Variants in ACTN1 observed in about 807,000 individuals in gnomAD.
The protein encoded by ACTN1 is actinin alpha 1.
Under a neutral mutation model 119.6 loss-of-function variants are expected in ACTN1, and 30 were observed. The observed-to-expected ratio is 0.25, with a 90% CI of 0.19 to 0.34. The LOEUF is 0.34. Among genes scored for constraint, ACTN1 ranks in the 10% least tolerant of loss-of-function variants. The probability of loss-of-function intolerance (pLI) is 1.00; values close to 1 mark genes in which losing one functional copy is unlikely to be tolerated. For missense variants in ACTN1, 764 were observed against 1,223.4 expected, an observed-to-expected ratio of 0.62 and a Z score of 5.60; for synonymous variants, 429 against 472.6, an observed-to-expected ratio of 0.91 and a Z score of 1.20.
In ACTN1 at chr14:68,975,704, C is replaced by T. The variant is rs190523737; in HGVS notation, c.105+3248G>A. On this transcript the variant is annotated intron_variant, in intron 1 of 21. Coordinates refer to ENST00000394419, the MANE Select transcript of ACTN1 (RefSeq NM_001130004.2). ...CTCAAAGATCAGGAAGGTTATGAAA[C>T]CTGGAAAAGTAGAGGAAATGCCTCT... is the stretch of plus-strand genomic sequence containing the variant. 1.6e-4 allele frequency among the ~76,000 whole-genome samples: 25 copies of T among 152,302 alleles called. No individual in the cohort carries two copies. In the East Asian group the frequency reaches 4.8e-3, roughly 29 times the overall value.
intron 1 of ACTN1, among the ~76,000 whole-genome samples, chr14:68,949,314 G>C (rs139719376): frequency 0.015 from 2,288 of 152,300 alleles, 50 homozygotes; most frequent in Non-Finnish European, 0.017. Flanking sequence ...AAAACACGAG[G>C]AGGTCAGGAG....
intron 16 of ACTN1, among the ~76,000 whole-genome samples, chr14:68,881,936 C>CCTTTTTTTTTTTTTTTT (rs2031552165): frequency 3.4e-5 from 2 of 58,394 alleles, no homozygotes; most frequent in African/African-American, 2.1e-4. Context: ...TAGGCAGCTT[C>CCTTTTTTTTTTTTTTTT]TTTTTTTTTT....
chr14:68,936,551 G>A, intron 1 of ACTN1: 1 of 454,154 alleles, frequency 2.2e-6, no homozygotes, highest in Non-Finnish European at 4.2e-6. Flanking sequence ...TCTAGGGGGT[G>A]GCGGGAGGAA....
Position 68,891,909 on chromosome 14 carries a change from G to T in ACTN1, c.1086+144C>A, listed in dbSNP as rs59595902. On this transcript the variant is annotated intron_variant, in intron 10 of 21. Coordinates refer to ENST00000394419, the MANE Select transcript of ACTN1 (RefSeq NM_001130004.2). The stretch of plus-strand genomic sequence containing the variant: ...GAGCCTGGGTGGTAACTGGAAGGGG[G>T]AAGTGACTTCTGGAGCAGTGTATGT... The T allele has an allele frequency of 1.6e-5, 18 of 1,100,530 alleles. No individual in the cohort carries two copies. In the East Asian group the frequency reaches 3.9e-4, roughly 24 times the overall value. 68.2% of individuals were successfully genotyped at this position (1,100,530 alleles called of 1,614,324 possible). A position where few individuals can be genotyped will look rare whatever the true frequency, so the allele number is the denominator to read the frequency against.
chr14:68,979,141 A>AGAGCT lies in ACTN1; in HGVS notation c.-86_-85insAGCTC. ...TGCTGCCCTGGCGTGGGGAGGGAGT[A>AGAGCT]GGGCTGGGCTGGGCTGGGCTGGCGG... On this transcript the variant is annotated 5_prime_UTR_variant, in exon 1 of 22. Transcript: ENST00000394419. The AGAGCT allele has an allele frequency of 4.8e-6, 2 of 414,800 alleles. No individual in the cohort carries two copies. The highest frequency in any genetic ancestry group is 4.3e-6 in the Non-Finnish European group (1 of 235,004). 25.7% of individuals were successfully genotyped at this position (414,800 alleles called of 1,614,324 possible).
chr14:68,951,090 A>G (rs987244216), intron 1 of ACTN1, among the ~76,000 whole-genome samples: 1 of 152,178 alleles, frequency 6.6e-6, no homozygotes, highest in Non-Finnish European at 1.5e-5. Context: ...TGGATAGCAC[A>G]GGCCTTCCCT....
intron 8 of ACTN1, among the ~76,000 whole-genome samples, chr14:68,899,895 C>T (rs536859121): frequency 6.6e-6 from 1 of 152,142 alleles, no homozygotes; most frequent in Admixed American, 6.5e-5. Context: ...AGGAGGCCAA[C>T]CAAGGCAAGG....
intron 3 of ACTN1, among the ~76,000 whole-genome samples, chr14:68,918,352 C>T (rs1054590693): frequency 6.6e-5 from 10 of 152,084 alleles, no homozygotes; most frequent in African/African-American, 2.4e-4. Flanking sequence ...GAAGCTGAGG[C>T]GGGTGGATCA....
In ACTN1 at chr14:68,879,867, C is replaced by T. The variant is rs2031326605; in HGVS notation, c.2280+95G>A. On this transcript the variant is annotated intron_variant, in intron 18 of 21. Transcript: ENST00000394419. This position sits in a 1 kb window ranked among gnomAD's most constrained non-coding sequence, Gnocchi z 4.9. ...AGTTTCCCCTTTCTCTCCCTCCTCA[C>T]TTGCATGGCAGCCCACGTCCCGGGG... 3.3e-6 allele frequency: 5 copies of T among 1,525,650 alleles called. No individual in the cohort carries two copies. The highest frequency in any genetic ancestry group is 4.4e-6 in the Non-Finnish European group (5 of 1,127,330). 94.5% of individuals were successfully genotyped at this position (1,525,650 alleles called of 1,614,324 possible).
At chr14:68,977,847 G>T in intron 1 of ACTN1, 1 of 428,186 alleles carries the variant, frequency 2.3e-6, no homozygotes, top group Non-Finnish European at 4.7e-6. Context: ...TGGGGGTGGG[G>T]AGGGTATGAA....
At chr14:68,929,893 C>T (rs1397277030) in intron 1 of ACTN1, among the ~76,000 whole-genome samples, 1 of 152,198 alleles carries the variant, frequency 6.6e-6, no homozygotes, top group Non-Finnish European at 1.5e-5. Context: ...CTGTCCAGCC[C>T]TGTAGTTCAG....
rs566435762 is a variant in ACTN1 at position 68,973,289 on chromosome 14, T to C, written c.105+5663A>G. Reference sequence around the variant, plus strand: ...CCCACCCAAACGTCATCTTGAATTGTAGTTCCCATAATCCCCACATGTCGT... The same window carrying C: ...CCCACCCAAACGTCATCTTGAATTGCAGTTCCCATAATCCCCACATGTCGT... On this transcript the variant is annotated intron_variant, in intron 1 of 21. Coordinates refer to ENST00000394419, the MANE Select transcript of ACTN1 (RefSeq NM_001130004.2). 2.6e-5 allele frequency among the ~76,000 whole-genome samples: 4 copies of C among 152,320 alleles called. No homozygotes were observed. In the South Asian group the frequency reaches 8.3e-4, roughly 32 times the overall value.
Position 68,921,009 on chromosome 14 carries a change from C to T in ACTN1, c.337G>A (p.Glu113Lys), listed in dbSNP as rs752533755. 2 of 1,614,018 alleles carry T rather than the reference C, an allele frequency of 1.2e-6. No homozygotes were observed. The highest frequency in any genetic ancestry group is 1.7e-6 in the Non-Finnish European group (2 of 1,179,932). ...KGVKLVSIGA[E>K]EIVDGNVKMT... ...GGCCACCAGAGGTAGGCCTTACCTT[C>T]GGCTCCGATGGACACCAGTTTGACG... The change falls in exon 3 of 22, where the codon GAA (glutamate) becomes AAA (lysine). Residue 113 changes from glutamate (E) to lysine (K), a missense_variant. Glu to Lys is a moderately conservative substitution (Grantham distance 56, BLOSUM62 1). This residue lies in a region of ACTN1 where 54 missense variants were observed against 153.2 expected (regional missense o/e 0.35). Transcript: ENST00000394419.
intron 1 of ACTN1, among the ~76,000 whole-genome samples, chr14:68,976,604 G>A (rs966270983): frequency 5.3e-5 from 8 of 152,330 alleles, no homozygotes; most frequent in Non-Finnish European, 7.3e-5. Context: ...CCCAAAGCAC[G>A]TGTCGGCTCT....
Position 68,885,392 on chromosome 14 carries a change from C to T in ACTN1, c.1385+33G>A. 1 of 1,581,158 alleles carries T rather than the reference C, an allele frequency of 6.3e-7. No homozygotes were observed. The highest frequency in any genetic ancestry group is 8.6e-7 in the Non-Finnish European group (1 of 1,159,578). On this transcript the variant is annotated intron_variant, in intron 12 of 21. Transcript: ENST00000394419. This position sits in a 1 kb window ranked among gnomAD's most constrained non-coding sequence, Gnocchi z 5.6. ...CTGAGAAAGCCCAGCCTCAGCCCCT[C>T]ACCACAGGGTAGGGGTGTCTGGGGC...
chr14:68,957,815 C>T (rs1024992054), intron 1 of ACTN1, among the ~76,000 whole-genome samples: 6 of 152,130 alleles, frequency 3.9e-5, no homozygotes, highest in East Asian at 1.9e-4. Flanking sequence ...AGTAGAGGGG[C>T]GTGTCTACCT....
intron 3 of ACTN1, among the ~76,000 whole-genome samples, chr14:68,916,724 T>G (rs2034314877): frequency 6.6e-6 from 1 of 151,518 alleles, no homozygotes; most frequent in African/African-American, 2.5e-5. Flanking sequence ...AGGCCACAAC[T>G]GGGCTTTGTG....
rs764176256 is a variant in ACTN1 at position 68,890,162 on chromosome 14, G to C, written c.1211C>G (p.Ser404Cys). The C allele has an allele frequency of 7.2e-5, 116 of 1,613,928 alleles. No individual in the cohort carries two copies. Among genetic ancestry groups the C allele is most frequent in the Non-Finnish European group, 9.2e-5 (108 of 1,179,968 alleles). ...HLAEKFRQKA[S>C]IHEAWTDGKE... ...ACCGTCAGTCCAGGCCTCGTGGATGGAGGCCTTCTGCCGGAACTTCTCTGC... is the reference window on the plus strand; with the variant it reads ...ACCGTCAGTCCAGGCCTCGTGGATGCAGGCCTTCTGCCGGAACTTCTCTGC... The change falls in exon 11 of 22, where the codon TCC becomes TGC. Residue 404 changes from serine (S) to cysteine (C), a missense_variant. Coordinates refer to ENST00000394419, the MANE Select transcript of ACTN1 (RefSeq NM_001130004.2).
Position 68,885,405 on chromosome 14 carries a change from G to A in ACTN1, c.1385+20C>T, listed in dbSNP as rs748401440. 6.2e-6 allele frequency: 10 copies of A among 1,603,504 alleles called. No homozygotes were observed. The Admixed American group carries it at 1.7e-4, about 27-fold the overall frequency. ...GCCTCAGCCCCTCACCACAGGGTAGGGGTGTCTGGGGCCACCTACTTGAGC... is the reference window on the plus strand; with the variant it reads ...GCCTCAGCCCCTCACCACAGGGTAGAGGTGTCTGGGGCCACCTACTTGAGC... On this transcript the variant is annotated intron_variant, in intron 12 of 21. Coordinates refer to ENST00000394419, the MANE Select transcript of ACTN1 (RefSeq NM_001130004.2). The surrounding 1 kb of genome is among the most constrained non-coding windows in gnomAD (Gnocchi z 5.6).
Sources: allele counts gnomAD v4.1 joint callset (sites outside exome capture counted in the v4.1 genomes callset), GRCh38; gene constraint gnomAD v4.1.1; regional missense constraint gnomAD v4.1.1; non-coding constraint Gnocchi (gnomAD v3.1); transcripts MANE v1.5; gene names NCBI Gene and HGNC (gene_info 2026-07-23, HGNC 2026-07-21).